DGKB: variants seen among roughly 807,000 people sequenced by gnomAD.
DGKB encodes the protein 90 kDa diacylglycerol kinase.
Under a neutral mutation model 114.3 loss-of-function variants are expected in DGKB, and 67 were observed. That is an observed-to-expected ratio of 0.59 (90% confidence interval 0.48 to 0.72). The LOEUF is 0.72. Ranked by LOEUF, DGKB falls within the 30% of genes least tolerant of loss-of-function variation. The pLI is 0.00. For missense variants in DGKB, 907 were observed against 975.2 expected (o/e 0.93, Z 0.93); for synonymous variants, 398 against 323.1 (o/e 1.23, Z -2.49).
rs547572271 is a variant in DGKB, at chr7:14,359,349, T to A, written c.1836-13958A>T. On this transcript the variant is annotated intron_variant, in intron 21 of 25. Transcript: ENST00000402815. ...GGATTAAAGACTTAAATGTTAGACC[T>A]GAAACCATAAAAACCCTAGAAGAAA... is the stretch of plus-strand genomic sequence containing the variant. 2.6e-5 allele frequency among the ~76,000 whole-genome samples: 4 copies of A among 152,208 alleles called. No individual in the cohort carries two copies. In the East Asian group the frequency reaches 7.7e-4, roughly 29 times the overall value.
chr7:14,779,740 A>C (rs73064785), intron 2 of DGKB, among the ~76,000 whole-genome samples: 1 of 152,164 alleles, frequency 6.6e-6, no homozygotes, highest in Non-Finnish European at 1.5e-5. Flanking sequence ...TACATCCAAC[A>C]TACACAGAGA....
chr7:14,702,872 GA>G lies in DGKB; in HGVS notation c.467-1143del, dbSNP rs1405901841. 3.3e-5 allele frequency among the ~76,000 whole-genome samples: 5 copies of G among 151,946 alleles called. No homozygotes were observed. The East Asian group carries it at 9.6e-4, about 29-fold the overall frequency. ...TAATTAGTCTATATATTGCTAAAAA[GA>G]AAAAAAGTTAGCCATGTCACTATAA... On this transcript the variant is annotated intron_variant, in intron 6 of 25. Transcript: ENST00000402815.
At chr7:14,825,442 G>A (rs1845570254) in intron 2 of DGKB, among the ~76,000 whole-genome samples, 1 of 152,154 alleles carries the variant, frequency 6.6e-6, no homozygotes, top group Non-Finnish European at 1.5e-5. Context: ...CATTGGGGAT[G>A]ATGGGAGACA....
chr7:14,637,787 C>G (rs1315233894), intron 13 of DGKB, among the ~76,000 whole-genome samples: 1 of 151,734 alleles, frequency 6.6e-6, no homozygotes, highest in East Asian at 1.9e-4. Context: ...TATTCTTAAC[C>G]TAAAATTTTT....
chr7:14,690,967 C>G lies in DGKB; in HGVS notation c.711+3108G>C, dbSNP rs542087391. ...ACTAACACTCTATACCATTTCTGAC[C>G]CATTCATCTTGTATTTTGTAAAGTT... On this transcript the variant is annotated intron_variant, in intron 9 of 25. Coordinates refer to ENST00000402815, the MANE Select transcript of DGKB (RefSeq NM_001350709.2). Among the ~76,000 whole-genome samples the G allele has an allele frequency of 1.4e-4, 21 of 152,218 alleles. No homozygotes were observed. In the South Asian group the frequency reaches 1.9e-3, roughly 14 times the overall value.
chr7:14,771,872 T>C lies in DGKB; in HGVS notation c.71-14141A>G, dbSNP rs369482488. Among the ~76,000 whole-genome samples, 50 of 152,174 alleles carry C rather than the reference T, an allele frequency of 3.3e-4. 1 individual carries two copies. In the East Asian group the frequency reaches 8.9e-3, roughly 27 times the overall value. The stretch of plus-strand genomic sequence containing the variant: ...ACCCTTTTAGGTCTGATAAGAAACA[T>C]TTTACAACCTGCTGTCTCCCTGAAG... On this transcript the variant is annotated intron_variant, in intron 2 of 25. Transcript: ENST00000402815.
intron 17 of DGKB, among the ~76,000 whole-genome samples, chr7:14,592,169 G>C (rs1472240035): frequency 6.6e-6 from 1 of 151,682 alleles, no homozygotes; most frequent in East Asian, 1.9e-4. Context: ...CAGTGTGAGA[G>C]TCATAAATAT....
chr7:14,693,901 A>T (rs550362456), intron 9 of DGKB, among the ~76,000 whole-genome samples, 174 bp downstream of exon 9: 1 of 152,302 alleles, frequency 6.6e-6, no homozygotes, highest in South Asian at 2.1e-4. Context: ...TGTGGCAAGT[A>T]TTACTACACA....
intron 25 of DGKB, chr7:14,176,417 C>T (rs990959732): frequency 4.1e-6 from 4 of 985,966 alleles, no homozygotes; most frequent in African/African-American, 1.7e-5. Flanking sequence ...CCTCAAATCC[C>T]CAAATGGAGG....
intron 1 of DGKB, among the ~76,000 whole-genome samples, chr7:14,934,981 C>A (rs951505153): frequency 3.9e-5 from 6 of 152,186 alleles, no homozygotes; most frequent in African/African-American, 1.4e-4. Flanking sequence ...GTTCTGAAAG[C>A]ACATTATGTA....
intron 1 of DGKB, among the ~76,000 whole-genome samples, chr7:14,918,750 G>A: frequency 6.6e-6 from 1 of 151,968 alleles, no homozygotes; most frequent in East Asian, 1.9e-4. Context: ...GTTATTTTCA[G>A]ATATTAACAA....
At chr7:14,559,260 C>T (rs1796305937) in intron 20 of DGKB, among the ~76,000 whole-genome samples, 1 of 152,156 alleles carries the variant, frequency 6.6e-6, no homozygotes, top group African/African-American at 2.4e-5. Flanking sequence ...GCAGTTTTAT[C>T]AATTACATAT....
intron 21 of DGKB, among the ~76,000 whole-genome samples, chr7:14,451,095 C>A (rs1584035497): frequency 6.6e-6 from 1 of 151,992 alleles, no homozygotes; most frequent in African/African-American, 2.4e-5. Flanking sequence ...GAGACAGAAT[C>A]TTCCCCTATT....
chr7:14,671,819 C>A (rs1367365480), intron 13 of DGKB, among the ~76,000 whole-genome samples: 1 of 151,954 alleles, frequency 6.6e-6, no homozygotes. Flanking sequence ...GTCTTCAAGA[C>A]AACACTTAAA....
At chr7:14,417,687 CT>C (rs990159179) in intron 21 of DGKB, among the ~76,000 whole-genome samples, 1 of 146,322 alleles carries the variant, frequency 6.8e-6, no homozygotes, top group African/African-American at 2.4e-5. Flanking sequence ...TAAATTGCTT[CT>C]GGTGATTTTT....
At chr7:14,938,431 G>T (rs1433459071) in intron 1 of DGKB, among the ~76,000 whole-genome samples, 1 of 152,096 alleles carries the variant, frequency 6.6e-6, no homozygotes, top group Middle Eastern at 3.4e-3. Context: ...AATAAATAAA[G>T]AAAACTTTCA....
chr7:14,436,931 T>C (rs1292884438), intron 21 of DGKB, among the ~76,000 whole-genome samples: 2 of 152,088 alleles, frequency 1.3e-5, no homozygotes, highest in Admixed American at 1.3e-4. Flanking sequence ...AACTATATTA[T>C]AGTTAAAATG....
intron 25 of DGKB, among the ~76,000 whole-genome samples, chr7:14,163,928 G>A (rs1300609057): frequency 2.0e-5 from 3 of 152,126 alleles, no homozygotes; most frequent in Middle Eastern, 6.8e-3. Flanking sequence ...CTGGGAGGCA[G>A]AGGTTGCAGT....
Position 14,817,185 on chromosome 7 carries a change from C to T in DGKB, c.70+24009G>A, listed in dbSNP as rs369726533. ...TTGACTTTCACTTCTGATAATATTG[C>T]GTTATGGTTGCCCCTAACACATGCA... On this transcript the variant is annotated intron_variant, in intron 2 of 25. Transcript: ENST00000402815. 3.2e-4 allele frequency among the ~76,000 whole-genome samples: 49 copies of T among 152,178 alleles called. 1 individual carries two copies. Among genetic ancestry groups the T allele is most frequent in the Admixed American group, 2.7e-3 (42 of 15,286 alleles).
Sources: gnomAD v4.1 joint callset for allele counts (sites outside exome capture counted in the v4.1 genomes callset) on GRCh38, gnomAD v4.1.1 for gene constraint, MANE v1.5 for transcripts, NCBI Gene and HGNC (gene_info 2026-07-23, HGNC 2026-07-21) for gene names.